ZNF148: variants seen among roughly 807,000 people sequenced by gnomAD.
ZNF148 encodes Beta-Enolase Repressor Factor-1.
A neutral mutation model predicts 67.7 loss-of-function variants in ZNF148; 7 were observed. The observed-to-expected ratio is 0.10, with a 90% CI of 0.06 to 0.19. The LOEUF (loss-of-function observed/expected upper bound fraction) is 0.19, where lower values mean the gene tolerates loss of function less well. ZNF148 is among the 10% of genes least tolerant of loss of function. ZNF148 has a pLI of 1.00. For missense variants in ZNF148, 583 were observed against 947.1 expected (o/e 0.62, Z 5.05); for synonymous variants, 333 against 330.7 (o/e 1.01, Z -0.08).
chr3:125,295,679 A>T (rs1939246015), intron 4 of ZNF148, among the ~76,000 whole-genome samples: 1 of 152,202 alleles, frequency 6.6e-6, no homozygotes, highest in South Asian at 2.1e-4. Context: ...ATCATGCCGA[A>T]CTTTGCTCAC....
At chr3:125,309,168 TTATG>T (rs1328812211) in intron 4 of ZNF148, among the ~76,000 whole-genome samples, 1 of 152,152 alleles carries the variant, frequency 6.6e-6, no homozygotes, top group Non-Finnish European at 1.5e-5. Context: ...TTATACAAGT[TTATG>T]CAGTTGTCAA....
At chr3:125,285,043 G>A (rs1938586681) in intron 5 of ZNF148, among the ~76,000 whole-genome samples, 1 of 152,120 alleles carries the variant, frequency 6.6e-6, no homozygotes, top group Admixed American at 6.5e-5. Context: ...TTACATGGAT[G>A]TTTATAAGCT....
At chr3:125,264,077 A>G in intron 7 of ZNF148, among the ~76,000 whole-genome samples, 1 of 152,244 alleles carries the variant, frequency 6.6e-6, no homozygotes, top group East Asian at 1.9e-4. Context: ...TCCACAAGAC[A>G]GAAGCTCCGG....
chr3:125,289,692 A>G (rs1938901527), intron 4 of ZNF148, among the ~76,000 whole-genome samples: 1 of 152,204 alleles, frequency 6.6e-6, no homozygotes, highest in African/African-American at 2.4e-5. Context: ...AGGAGTACCA[A>G]AAAGTAGTAC....
intron 1 of ZNF148, among the ~76,000 whole-genome samples, chr3:125,354,156 T>C (rs1231172615): frequency 6.6e-6 from 1 of 152,108 alleles, no homozygotes; most frequent in East Asian, 1.9e-4. Flanking sequence ...ATAAATTTCT[T>C]ACATAAAATT....
Position 125,277,481 on chromosome 3 carries a change from T to C in ZNF148, c.667+245A>G, listed in dbSNP as rs769711704. Among the ~76,000 whole-genome samples the C allele has an allele frequency of 1.2e-3, 190 of 152,292 alleles. 3 individuals carry two copies. Among genetic ancestry groups the C allele is most frequent in the Middle Eastern group, 3.4e-3 (1 of 294 alleles). On this transcript the variant is annotated intron_variant, in intron 7 of 8. Transcript: ENST00000360647. ...CAATTTCAGAAAATCTTCCTTCCTT[T>C]TGTGACTTTAAACATATATTTTAGG...
At chr3:125,271,693 T>A (rs892437601) in intron 7 of ZNF148, among the ~76,000 whole-genome samples, 4 of 152,224 alleles carry the variant, frequency 2.6e-5, no homozygotes, top group Non-Finnish European at 5.9e-5. Context: ...AGATAATTTA[T>A]GTATTGGGTT....
At position 125,233,539 on chromosome 3, in the gene ZNF148, T is replaced by C. The variant is rs1405655917; in HGVS notation, c.1187A>G (p.Asn396Ser). The change falls in exon 9 of 9, where the codon AAT (asparagine) becomes AGT (serine). Residue 396 changes from asparagine to serine, a missense_variant. By Grantham distance (46) the Asn-to-Ser change is conservative. Transcript: ENST00000360647. The surrounding 1 kb of genome is among the most constrained non-coding windows in gnomAD (Gnocchi z 5.1). ...HPPKLVLKKI[N>S]SKRSLKQPLE... ...TGGCTGTTTCAGACTTCTCTTACTA[T>C]TAATTTTTTTGAGAACTAACTTAGG... 1 of 1,613,954 alleles carries C rather than the reference T, an allele frequency of 6.2e-7. No individual in the cohort carries two copies. The highest frequency in any genetic ancestry group is 1.7e-5 in the Admixed American group (1 of 59,944).
chr3:125,331,046 G>T (rs1011835495), intron 2 of ZNF148, 112 bp downstream of exon 2: 4 of 396,572 alleles, frequency 1.0e-5, no homozygotes, highest in Non-Finnish European at 1.8e-5. Context: ...AAAAGAAAAG[G>T]GATTGGCCAT....
At chr3:125,271,082 T>C (rs1454029667) in intron 7 of ZNF148, among the ~76,000 whole-genome samples, 1 of 152,212 alleles carries the variant, frequency 6.6e-6, no homozygotes, top group Admixed American at 6.5e-5. Flanking sequence ...ATATTAGTTA[T>C]AATTAACAGT....
At chr3:125,257,068 T>C (rs1937120018) in intron 7 of ZNF148, among the ~76,000 whole-genome samples, 1 of 151,854 alleles carries the variant, frequency 6.6e-6, no homozygotes, top group Non-Finnish European at 1.5e-5. Flanking sequence ...TTCTTAAATG[T>C]CAGTAACAGT....
At chr3:125,299,720 TTAA>T (rs979027984) in intron 4 of ZNF148, among the ~76,000 whole-genome samples, 1 of 152,100 alleles carries the variant, frequency 6.6e-6, no homozygotes, top group African/African-American at 2.4e-5. Flanking sequence ...GTTGAAATCA[TTAA>T]TAATAAGCAA....
Position 125,233,188 on chromosome 3 carries a change from G to C in ZNF148, c.1538C>G (p.Thr513Ser). 6.2e-7 allele frequency: 1 copy of C among 1,613,794 alleles called. No homozygotes were observed. The highest frequency in any genetic ancestry group is 8.5e-7 in the Non-Finnish European group (1 of 1,179,888). ...CTGTGACTCTAATATGGATGCCGTG[G>C]TACTTTCATCAATGACACTTGCCAC... ...AAVASVIDESTTASILESQAL... is the reference protein window; with the variant it reads ...AAVASVIDESSTASILESQAL... The change falls in exon 9 of 9, where the codon ACC becomes AGC. Residue 513 changes from threonine (T) to serine (S), a missense_variant. By Grantham distance (58) the Thr-to-Ser change is moderately conservative. Transcript: ENST00000360647. The surrounding 1 kb of genome is among the most constrained non-coding windows in gnomAD (Gnocchi z 5.1).
chr3:125,286,548 C>A (rs1342086809), intron 5 of ZNF148, among the ~76,000 whole-genome samples: 1 of 152,112 alleles, frequency 6.6e-6, no homozygotes, highest in African/African-American at 2.4e-5. Flanking sequence ...CACAAAGATA[C>A]ATACTCAAAC....
chr3:125,314,382 A>T (rs1044207971), intron 3 of ZNF148, among the ~76,000 whole-genome samples: 5 of 152,220 alleles, frequency 3.3e-5, no homozygotes, highest in Non-Finnish European at 7.4e-5. Context: ...TAGACACAGA[A>T]AATCACTACA....
At chr3:125,265,463 C>G (rs189996710) in intron 7 of ZNF148, among the ~76,000 whole-genome samples, 3 of 152,304 alleles carry the variant, frequency 2.0e-5, no homozygotes, top group Admixed American at 6.5e-5. Flanking sequence ...TAAAATAATA[C>G]CTTTCAGGTT....
intron 5 of ZNF148, 84 bp downstream of exon 5, chr3:125,288,018 AG>A: frequency 6.3e-6 from 10 of 1,584,948 alleles, no homozygotes; most frequent in Non-Finnish European, 8.6e-6. Flanking sequence ...CATCTGCCTT[AG>A]GGTCCAGCCA....
intron 1 of ZNF148, among the ~76,000 whole-genome samples, chr3:125,373,819 G>A (rs1478765858): frequency 6.6e-6 from 1 of 152,104 alleles, no homozygotes; most frequent in Non-Finnish European, 1.5e-5. Context: ...AACCAATCCA[G>A]CCAACTAATT....
At chr3:125,289,532 T>C (rs1938893657) in intron 4 of ZNF148, among the ~76,000 whole-genome samples, 1 of 152,284 alleles carries the variant, frequency 6.6e-6, no homozygotes, top group South Asian at 2.1e-4. Flanking sequence ...AATACGATGG[T>C]AAAATCACCA....
Sources: allele counts gnomAD v4.1 joint callset (sites outside exome capture counted in the v4.1 genomes callset), GRCh38; gene constraint gnomAD v4.1.1; non-coding constraint Gnocchi (gnomAD v3.1); transcripts MANE v1.5; gene names NCBI Gene and HGNC (gene_info 2026-07-23, HGNC 2026-07-21).